Variants in PIK3C3 observed in about 807,000 individuals in gnomAD.
PIK3C3 encodes the protein phosphatidylinositol 3-kinase catalytic subunit type 3.
PIK3C3 carries 95 observed loss-of-function variants against 126.1 expected under a neutral mutation model. The observed-to-expected ratio is 0.75, with a 90% CI of 0.64 to 0.89. The LOEUF (loss-of-function observed/expected upper bound fraction) is 0.89. PIK3C3 is among the 40% of genes least tolerant of loss of function. The probability of loss-of-function intolerance (pLI) is 0.00; values close to 1 mark genes in which losing one functional copy is unlikely to be tolerated. For missense variants in PIK3C3, 829 were observed against 1,063.2 expected, an observed-to-expected ratio of 0.78 and a Z score of 3.06; for synonymous variants, 374 against 360.0, an observed-to-expected ratio of 1.04 and a Z score of -0.44.
At chr18:42,023,409 C>T (rs144809279) in intron 13 of PIK3C3, among the ~76,000 whole-genome samples, 1 of 152,296 alleles carries the variant, frequency 6.6e-6, no homozygotes, top group Non-Finnish European at 1.5e-5. Flanking sequence ...TCATAAGGAG[C>T]ACACTTTTTT....
intron 19 of PIK3C3, among the ~76,000 whole-genome samples, chr18:42,042,292 C>G (rs1984357179): frequency 6.6e-6 from 1 of 152,162 alleles, no homozygotes; most frequent in African/African-American, 2.4e-5. Context: ...ACAGAGAGGG[C>G]TAGGATGCCT....
At position 42,033,880 on chromosome 18, in the gene PIK3C3, G is replaced by A. The variant is rs1983933837; in HGVS notation, c.1762G>A (p.Val588Met). Residue 588 changes from valine to methionine, a missense_variant, in exon 16 of 25, where the codon GTG (valine) becomes ATG (methionine). Physicochemically the swap from Val to Met is conservative, Grantham distance 21 (BLOSUM62 1). Transcript: ENST00000262039. ...GDNEKMNLSD[V>M]ELIPLPLEPQ... is the part of the protein sequence containing the mutation. ...TAATGAAAAGATGAATTTGTCAGAT[G>A]TGGAACTTATCCCGTTGCCTTTAGA... The A allele has an allele frequency of 3.1e-6, 5 of 1,605,062 alleles. No individual in the cohort carries two copies. Among genetic ancestry groups the A allele is most frequent in the South Asian group, 1.1e-5 (1 of 90,050 alleles).
At chr18:42,051,771 A>C (rs1259318161) in intron 21 of PIK3C3, among the ~76,000 whole-genome samples, 1 of 151,982 alleles carries the variant, frequency 6.6e-6, no homozygotes, top group Non-Finnish European at 1.5e-5. Context: ...TTATTGGTTG[A>C]ATCTTTTAAC....
intron 24 of PIK3C3, among the ~76,000 whole-genome samples, chr18:42,076,391 A>G (rs1986035113): frequency 6.6e-6 from 1 of 152,016 alleles, no homozygotes; most frequent in Non-Finnish European, 1.5e-5. Context: ...CATCAAAGAA[A>G]AAAACGTTAG....
intron 4 of PIK3C3, among the ~76,000 whole-genome samples, chr18:41,973,923 G>T (rs1255752804): frequency 1.3e-5 from 2 of 152,112 alleles, no homozygotes; most frequent in Non-Finnish European, 2.9e-5. Flanking sequence ...TTTCCATCCA[G>T]TGAATTTACT....
chr18:41,958,430 T>G (rs1474704372), intron 2 of PIK3C3, among the ~76,000 whole-genome samples: 1 of 152,312 alleles, frequency 6.6e-6, no homozygotes, highest in African/African-American at 2.4e-5. Context: ...ACAGGCTGTA[T>G]GCTTTTAAGG....
intron 23 of PIK3C3, 98 bp from the exon 24 acceptor site, chr18:42,067,290 C>T: frequency 9.6e-7 from 1 of 1,045,918 alleles, no homozygotes; most frequent in Non-Finnish European, 1.4e-6. Flanking sequence ...ATAGGAATAG[C>T]TCATGTTACC....
intron 15 of PIK3C3, 122 bp from the exon 16 acceptor site, chr18:42,033,704 A>T: frequency 1.6e-6 from 1 of 624,324 alleles, no homozygotes; most frequent in Non-Finnish European, 2.7e-6. Flanking sequence ...CATCTCCTTT[A>T]TATTATTTTG....
intron 18 of PIK3C3, among the ~76,000 whole-genome samples, chr18:42,040,427 A>G (rs1423670693): frequency 2.0e-5 from 3 of 152,038 alleles, no homozygotes; most frequent in Non-Finnish European, 2.9e-5. Context: ...TTCGTTTCTC[A>G]TATTTTATAA....
intron 11 of PIK3C3, among the ~76,000 whole-genome samples, chr18:42,014,186 C>T (rs543478461): frequency 7.7e-5 from 9 of 117,432 alleles, no homozygotes; most frequent in Admixed American, 1.3e-4. Flanking sequence ...CCAGCCTGGG[C>T]GACAGAGCGA....
chr18:42,072,683 C>T (rs1324819252), intron 24 of PIK3C3, among the ~76,000 whole-genome samples: 1 of 152,052 alleles, frequency 6.6e-6, no homozygotes, highest in East Asian at 1.9e-4. Context: ...AGGCATGCAC[C>T]ACCATACCCA....
intron 2 of PIK3C3, among the ~76,000 whole-genome samples, chr18:41,958,769 AAT>A (rs1046144225): frequency 6.6e-6 from 1 of 151,686 alleles, no homozygotes; most frequent in African/African-American, 2.4e-5. Context: ...ACACATAAAA[AAT>A]ATATATATAT....
At chr18:41,980,309 C>CT (rs1415727727) in intron 4 of PIK3C3, among the ~76,000 whole-genome samples, 1 of 152,128 alleles carries the variant, frequency 6.6e-6, no homozygotes, top group African/African-American at 2.4e-5. Context: ...AGCTGAATCA[C>CT]TTAATGATTT....
chr18:41,955,657 C>T lies in PIK3C3; in HGVS notation c.68+298C>T, dbSNP rs77989599. Among the ~76,000 whole-genome samples the T allele has an allele frequency of 3.1e-3, 468 of 152,290 alleles. 4 individuals carry two copies. Among genetic ancestry groups the T allele is most frequent in the African/African-American group, 9.2e-3 (382 of 41,554 alleles). On this transcript the variant is annotated intron_variant, in intron 1 of 24. Transcript: ENST00000262039. ...TGTTCAGCCTTTTGAGAGTTTATTA[C>T]TATTTCATTGTAAATTAAGAAATCA...
intron 4 of PIK3C3, among the ~76,000 whole-genome samples, chr18:41,972,248 A>G (rs909151463): frequency 1.1e-4 from 17 of 152,108 alleles, no homozygotes; most frequent in Non-Finnish European, 4.4e-5. Flanking sequence ...GTGCACATTA[A>G]CAACTCTAGA....
At chr18:42,009,667 AT>A (rs1982717250) in intron 10 of PIK3C3, among the ~76,000 whole-genome samples, 3 of 125,578 alleles carry the variant, frequency 2.4e-5, no homozygotes, top group African/African-American at 7.0e-5. Flanking sequence ...AATGTACATT[AT>A]GTAATGCTTA....
At chr18:42,079,310 G>A (rs1385853390) in intron 24 of PIK3C3, among the ~76,000 whole-genome samples, 1 of 152,200 alleles carries the variant, frequency 6.6e-6, no homozygotes. Flanking sequence ...TGGCCAGTTG[G>A]TGGAGTAGTC....
At chr18:42,060,750 C>T (rs1386725162) in intron 22 of PIK3C3, among the ~76,000 whole-genome samples, 2 of 152,020 alleles carry the variant, frequency 1.3e-5, no homozygotes, top group Non-Finnish European at 1.5e-5. Flanking sequence ...GAACTCCAAC[C>T]TAGACAATAG....
At chr18:41,965,706 C>T (rs534081455) in intron 3 of PIK3C3, among the ~76,000 whole-genome samples, 2 of 152,230 alleles carry the variant, frequency 1.3e-5, no homozygotes, top group South Asian at 2.1e-4. Context: ...TGCATTCATG[C>T]GTTCCTCTTC....
Sources: gnomAD v4.1 joint callset for allele counts (sites outside exome capture counted in the v4.1 genomes callset) on GRCh38, gnomAD v4.1.1 for gene constraint, MANE v1.5 for transcripts, NCBI Gene and HGNC (gene_info 2026-07-23, HGNC 2026-07-21) for gene names.